The following STPG4 variants were observed in gnomAD, a reference collection of about 807,000 sequenced individuals.
The protein encoded by STPG4 is sperm-tail PG-rich repeat containing 4, also known as protein STPG4.
STPG4 carries 41 observed loss-of-function variants against 31.5 expected under a neutral mutation model. That is an observed-to-expected ratio of 1.30 (90% CI 1.01 to 1.69). The LOEUF is 1.69. STPG4 is among the 40% of genes most tolerant of loss of function. The pLI, the probability that STPG4 is intolerant of heterozygous loss-of-function variation, is 0.00. For synonymous variants in STPG4, 141 were observed against 103.0 expected, an observed-to-expected ratio of 1.37 and a Z score of -2.24; for missense variants, 375 against 293.4, an observed-to-expected ratio of 1.28 and a Z score of -2.03.
intron 5 of STPG4, among the ~76,000 whole-genome samples, chr2:47,114,029 A>G (rs1158329758): frequency 6.8e-6 from 1 of 146,812 alleles, no homozygotes; most frequent in Non-Finnish European, 1.5e-5. Flanking sequence ...ACTTGTCTCA[A>G]AAAAAAAAAC....
At chr2:47,141,869 G>A (rs1340337734) in intron 3 of STPG4, among the ~76,000 whole-genome samples, 2 of 149,596 alleles carry the variant, frequency 1.3e-5, no homozygotes, top group African/African-American at 5.0e-5. Context: ...GAACACCTGG[G>A]GGAGGGCTGT....
chr2:47,113,478 A>G (rs1296377860), intron 5 of STPG4, among the ~76,000 whole-genome samples: 1 of 152,248 alleles, frequency 6.6e-6, no homozygotes, highest in African/African-American at 2.4e-5. Flanking sequence ...TAGAATGCAT[A>G]GCCATAAATC....
chr2:47,153,942 C>G (rs1211624500), intron 1 of STPG4, among the ~76,000 whole-genome samples: 4 of 152,186 alleles, frequency 2.6e-5, no homozygotes, highest in Non-Finnish European at 4.4e-5. Flanking sequence ...ATTTAGTACT[C>G]TATACCCATT....
intron 5 of STPG4, among the ~76,000 whole-genome samples, chr2:47,115,689 G>T (rs1686136194): frequency 8.0e-6 from 1 of 124,580 alleles, no homozygotes; most frequent in Non-Finnish European, 1.6e-5. Context: ...GTCTCGCTGT[G>T]TCACCCAGGC....
chr2:47,102,193 A>G (rs138296234), intron 5 of STPG4, among the ~76,000 whole-genome samples: 2 of 135,874 alleles, frequency 1.5e-5, no homozygotes, highest in Non-Finnish European at 3.2e-5. Context: ...CTGCTGCGTC[A>G]GTGAGCGCAA....
intron 3 of STPG4, among the ~76,000 whole-genome samples, chr2:47,134,377 C>A (rs370439449): frequency 6.6e-6 from 1 of 152,206 alleles, no homozygotes; most frequent in African/African-American, 2.4e-5. Flanking sequence ...CTCCCCTCAA[C>A]CCCTGACAAC....
intron 5 of STPG4, among the ~76,000 whole-genome samples, chr2:47,123,037 G>T (rs1206026392): frequency 6.6e-6 from 1 of 152,074 alleles, no homozygotes; most frequent in Non-Finnish European, 1.5e-5. Flanking sequence ...TGTTGGCCAG[G>T]TTGGTCTCAA....
intron 5 of STPG4, among the ~76,000 whole-genome samples, chr2:47,120,713 G>A (rs1315412299): frequency 1.3e-5 from 2 of 152,062 alleles, no homozygotes; most frequent in African/African-American, 4.8e-5. Context: ...TGATTTTAGT[G>A]TTCTTGGCTA....
At chr2:47,113,907 G>A (rs369185073) in intron 5 of STPG4, among the ~76,000 whole-genome samples, 87 of 151,268 alleles carry the variant, frequency 5.8e-4, no homozygotes, top group African/African-American at 1.8e-3. Flanking sequence ...GGTGGCGGGC[G>A]CCTGTAGTCC....
In STPG4 at chr2:47,133,931, A is replaced by G. The variant is rs189821362; in HGVS notation, c.400-3671T>C. 2.0e-5 allele frequency among the ~76,000 whole-genome samples: 3 copies of G among 152,256 alleles called. No individual in the cohort carries two copies. The East Asian group carries it at 5.8e-4, about 29-fold the overall frequency. ...GTGGCAGGATGGTATTAGTATGGAT[A>G]TATAATTCAGTTATGTTGCACCAAA... On this transcript the variant is annotated intron_variant, in intron 3 of 6. Coordinates refer to ENST00000445927, the MANE Select transcript of STPG4 (RefSeq NM_001163561.2).
At chr2:47,098,393 A>C (rs1161847988) in intron 5 of STPG4, among the ~76,000 whole-genome samples, 2 of 152,210 alleles carry the variant, frequency 1.3e-5, no homozygotes, top group East Asian at 3.8e-4. Context: ...TGAGAAAGTG[A>C]GGCTCAGCGG....
chr2:47,088,591 G>A (rs1438257914), intron 6 of STPG4, among the ~76,000 whole-genome samples: 1 of 152,168 alleles, frequency 6.6e-6, no homozygotes, highest in Non-Finnish European at 1.5e-5. Flanking sequence ...AAGAGGCTTG[G>A]ACAGGCCAGC....
intron 6 of STPG4, among the ~76,000 whole-genome samples, chr2:47,089,482 T>C (rs78946457): frequency 0.08 from 12,243 of 152,198 alleles, 673 homozygotes; most frequent in Admixed American, 0.1. Context: ...AACTTCTCCT[T>C]CTAGCCCCTT....
intron 3 of STPG4, among the ~76,000 whole-genome samples, chr2:47,138,099 A>G (rs958747287): frequency 1.3e-5 from 2 of 152,248 alleles, no homozygotes; most frequent in Admixed American, 6.5e-5. Context: ...CTTTTCTAAT[A>G]CATGCATTCA....
intron 3 of STPG4, among the ~76,000 whole-genome samples, chr2:47,150,801 T>A (rs1321832691): frequency 6.6e-6 from 1 of 152,098 alleles, no homozygotes; most frequent in African/African-American, 2.4e-5. Context: ...CTTTATTTTT[T>A]GTAGAGATGG....
chr2:47,107,706 T>C (rs556586612), intron 5 of STPG4, among the ~76,000 whole-genome samples: 3 of 152,270 alleles, frequency 2.0e-5, no homozygotes, highest in East Asian at 1.9e-4. Flanking sequence ...CCTGCAGCCC[T>C]GGTGCGGGAT....
At chr2:47,108,056 T>C (rs1364364407) in intron 5 of STPG4, among the ~76,000 whole-genome samples, 1 of 151,854 alleles carries the variant, frequency 6.6e-6, no homozygotes, top group Non-Finnish European at 1.5e-5. Flanking sequence ...ACACTCTGTA[T>C]CTAGCTACTC....
intron 5 of STPG4, among the ~76,000 whole-genome samples, chr2:47,123,078 A>G (rs567865497): frequency 6.6e-6 from 1 of 152,282 alleles, no homozygotes; most frequent in African/African-American, 2.4e-5. Flanking sequence ...CGCCTGCCTC[A>G]GCCTTCCAAA....
At chr2:47,112,868 A>G (rs1477299882) in intron 5 of STPG4, among the ~76,000 whole-genome samples, 3 of 151,976 alleles carry the variant, frequency 2.0e-5, no homozygotes, top group Non-Finnish European at 4.4e-5. Context: ...ATGATGACAC[A>G]CACCTATTAG....
Sources: allele counts gnomAD v4.1 joint callset (sites outside exome capture counted in the v4.1 genomes callset), GRCh38; gene constraint gnomAD v4.1.1; transcripts MANE v1.5; gene names NCBI Gene and HGNC (gene_info 2026-07-23, HGNC 2026-07-21).